NFIX: variants seen among roughly 807,000 people sequenced by gnomAD.
NFIX encodes nuclear factor 1 X-type.
NFIX carries 2 observed loss-of-function variants against 53.3 expected under a neutral mutation model. The observed-to-expected ratio is 0.04, with a 90% CI of 0.02 to 0.12. The LOEUF (loss-of-function observed/expected upper bound fraction) is 0.12, where lower values mean the gene tolerates loss of function less well. NFIX is among the 10% of genes least tolerant of loss of function. The pLI, the probability that NFIX is intolerant of heterozygous loss-of-function variation, is 1.00. For missense variants in NFIX, 310 were observed against 674.5 expected (o/e 0.46, Z 5.99); for synonymous variants, 244 against 289.0 (o/e 0.84, Z 1.58).
chr19:13,058,044 C>T (rs756008910), intron 2 of NFIX, among the ~76,000 whole-genome samples: 43 of 152,164 alleles, frequency 2.8e-4, no homozygotes, highest in Non-Finnish European at 5.0e-4. Flanking sequence ...TGGAACTGGC[C>T]CCACCCCCAG....
intron 5 of NFIX, among the ~76,000 whole-genome samples, chr19:13,074,401 A>G (rs1028482640): frequency 1.3e-5 from 2 of 152,188 alleles, no homozygotes; most frequent in Non-Finnish European, 2.9e-5. Context: ...TTCAGCCTGC[A>G]CAGGCTGGCG....
chr19:13,065,365 G>A (rs16978871), intron 2 of NFIX, among the ~76,000 whole-genome samples: 4,294 of 152,272 alleles, frequency 0.028, 72 homozygotes, highest in Middle Eastern at 0.082. Flanking sequence ...CTTCTGCTCT[G>A]ATGGGAATTC....
In NFIX at chr19:13,073,562, A is replaced by G; in HGVS notation, c.697+66A>G. 1 of 1,406,356 alleles carries G rather than the reference A, an allele frequency of 7.1e-7. No homozygotes were observed. Among genetic ancestry groups the G allele is most frequent in the African/African-American group, 1.4e-5 (1 of 70,738 alleles). The allele number at this position is 1,406,356 out of a possible 1,614,324, so 87.1% of individuals were successfully genotyped here. On this transcript the variant is annotated intron_variant, in intron 4 of 10. Transcript: ENST00000592199. This position sits in a 1 kb window ranked among gnomAD's most constrained non-coding sequence, Gnocchi z 4.5. Reference sequence around the variant, plus strand: ...AAGTGAGGAGGTGGGACCTCATGGGATGTCCTCCTAATGGGGTCTTAGGGC... The same window carrying G: ...AAGTGAGGAGGTGGGACCTCATGGGGTGTCCTCCTAATGGGGTCTTAGGGC...
chr19:13,097,061 A>C lies in NFIX; in HGVS notation c.*2412A>C, dbSNP rs1054609465. On this transcript the variant is annotated 3_prime_UTR_variant, in exon 11 of 11. Coordinates refer to ENST00000592199, the MANE Select transcript of NFIX (RefSeq NM_001365902.3). The stretch of plus-strand genomic sequence containing the variant: ...ATCTTTGTATGTTAAGAGATTAAGA[A>C]AAAAAAATTCTATTTTTGTTGTAAT... 3 of 151,738 alleles carry C rather than the reference A, an allele frequency of 2.0e-5. No homozygotes were observed. Among genetic ancestry groups the C allele is most frequent in the African/African-American group, 7.3e-5 (3 of 41,374 alleles). The allele number at this position is 151,738 out of a possible 1,614,324, so 9.4% of individuals were successfully genotyped here.
intron 2 of NFIX, among the ~76,000 whole-genome samples, chr19:13,038,122 G>T (rs965275077): frequency 2.6e-5 from 4 of 152,116 alleles, no homozygotes; most frequent in Non-Finnish European, 5.9e-5. Flanking sequence ...TTCTGAGAGG[G>T]TCTTTCCCAT....
At chr19:13,042,547 G>C (rs535459216) in intron 2 of NFIX, among the ~76,000 whole-genome samples, 1 of 151,666 alleles carries the variant, frequency 6.6e-6, no homozygotes, top group African/African-American at 2.4e-5. Flanking sequence ...TAGTAGAGAC[G>C]GGATTTCGCC....
rs1388199807 is a variant in NFIX at position 13,085,175 on chromosome 19, G to A, written c.1255-2814G>A. ...GCACTGCACAGTCACAAGACCTTGAGGTTTTTAAAACCTCAACTGTACCCC... is the reference window on the plus strand; with the variant it reads ...GCACTGCACAGTCACAAGACCTTGAAGTTTTTAAAACCTCAACTGTACCCC... On this transcript the variant is annotated intron_variant, in intron 8 of 10. Coordinates refer to ENST00000592199, the MANE Select transcript of NFIX (RefSeq NM_001365902.3). 2.6e-5 allele frequency among the ~76,000 whole-genome samples: 4 copies of A among 152,154 alleles called. No homozygotes were observed. In the East Asian group the frequency reaches 7.7e-4, roughly 29 times the overall value.
chr19:13,072,227 C>A lies in NFIX; in HGVS notation c.560-820C>A, dbSNP rs1023860596. 1.5e-4 allele frequency among the ~76,000 whole-genome samples: 23 copies of A among 152,190 alleles called. No individual in the cohort carries two copies. Among genetic ancestry groups the A allele is most frequent in the African/African-American group, 5.5e-4 (23 of 41,444 alleles). On this transcript the variant is annotated intron_variant, in intron 2 of 10. Coordinates refer to ENST00000592199, the MANE Select transcript of NFIX (RefSeq NM_001365902.3). This position sits in a 1 kb window ranked among gnomAD's most constrained non-coding sequence, Gnocchi z 4.0. ...CACAAAGCTTTGAGGACCAGGGGGA[C>A]CAGGGTGGGGGGCTTTCCCAAGCTC... is the stretch of plus-strand genomic sequence containing the variant.
At chr19:13,092,458 C>T (rs1415084766) in intron 10 of NFIX, among the ~76,000 whole-genome samples, 5 of 152,206 alleles carry the variant, frequency 3.3e-5, no homozygotes, top group Admixed American at 3.3e-4. Flanking sequence ...GAGGACCCCC[C>T]AGTCTGAGCA....
chr19:13,007,887 C>T (rs1429007164), intron 1 of NFIX, among the ~76,000 whole-genome samples: 1 of 152,088 alleles, frequency 6.6e-6, no homozygotes, highest in Non-Finnish European at 1.5e-5. Flanking sequence ...TGCTCCAATA[C>T]CACTCCCCCC....
At chr19:13,018,611 C>G (rs1296782501) in intron 1 of NFIX, among the ~76,000 whole-genome samples, 1 of 152,156 alleles carries the variant, frequency 6.6e-6, no homozygotes, top group Non-Finnish European at 1.5e-5. Flanking sequence ...TGATTTTGTT[C>G]TGACTACAGA....
Position 12,998,270 on chromosome 19 carries a change from C to T in NFIX, c.27+2406C>T, listed in dbSNP as rs1470355491. ...GGCCCCATCTCTGCTCCCCCCTCCA[C>T]TGGCGTCTCGGACTCTCTCTCTCTC... On this transcript the variant is annotated intron_variant, in intron 1 of 10. Transcript: ENST00000592199. This position sits in a 1 kb window ranked among gnomAD's most constrained non-coding sequence, Gnocchi z 4.4. Among the ~76,000 whole-genome samples the T allele has an allele frequency of 6.6e-6, 1 of 152,022 alleles. No individual in the cohort carries two copies. The highest frequency in any genetic ancestry group is 2.4e-5 in the African/African-American group (1 of 41,372).
intron 1 of NFIX, among the ~76,000 whole-genome samples, chr19:13,023,092 C>CTG (rs1555696119): frequency 6.6e-6 from 1 of 150,776 alleles, no homozygotes; most frequent in Non-Finnish European, 1.5e-5. Context: ...CTCTCTCTCT[C>CTG]TCTCTGTCTC....
Position 13,002,174 on chromosome 19 carries a change from G to A in NFIX, c.27+6310G>A, listed in dbSNP as rs2145133142. Among the ~76,000 whole-genome samples, 1 of 151,790 alleles carries A rather than the reference G, an allele frequency of 6.6e-6. No individual in the cohort carries two copies. The highest frequency in any genetic ancestry group is 1.9e-4 in the East Asian group (1 of 5,136). On this transcript the variant is annotated intron_variant, in intron 1 of 10. Transcript: ENST00000592199. The surrounding 1 kb of genome is among the most constrained non-coding windows in gnomAD (Gnocchi z 6.1). ...CTCTGAGGGCGCGGATTTGGAAACTGAGGTCCCCCCTTCTTTCCCCCTTTC... is the reference window on the plus strand; with the variant it reads ...CTCTGAGGGCGCGGATTTGGAAACTAAGGTCCCCCCTTCTTTCCCCCTTTC...
At position 13,067,906 on chromosome 19, in the gene NFIX, C is replaced by G. The variant is rs1443393358; in HGVS notation, c.560-5141C>G. On this transcript the variant is annotated intron_variant, in intron 2 of 10. Transcript: ENST00000592199. The surrounding 1 kb of genome is among the most constrained non-coding windows in gnomAD (Gnocchi z 4.2). ...GGATCACCAGGTCAGGAGATCGAGACCATCCTGGCTAACACTGTGAAACCC... is the reference window on the plus strand; with the variant it reads ...GGATCACCAGGTCAGGAGATCGAGAGCATCCTGGCTAACACTGTGAAACCC... Among the ~76,000 whole-genome samples, 3 of 152,014 alleles carry G rather than the reference C, an allele frequency of 2.0e-5. No homozygotes were observed. The highest frequency in any genetic ancestry group is 2.9e-5 in the Non-Finnish European group (2 of 68,020).
Position 13,024,505 on chromosome 19 carries a change from G to A in NFIX, c.28-516G>A, listed in dbSNP as rs2013157271. 5 of 1,506,750 alleles carry A rather than the reference G, an allele frequency of 3.3e-6. No homozygotes were observed. In the Admixed American group the frequency reaches 1.0e-4, roughly 31 times the overall value. 93.3% of individuals were successfully genotyped at this position (1,506,750 alleles called of 1,614,324 possible). ...TGTCATTTTCTGTCTTCTTGGGGGCGGCCAAAAATCGACCGGTGTCGGGGA... is the reference window on the plus strand; with the variant it reads ...TGTCATTTTCTGTCTTCTTGGGGGCAGCCAAAAATCGACCGGTGTCGGGGA... On this transcript the variant is annotated intron_variant, in intron 1 of 10. Transcript: ENST00000592199.
Position 13,012,177 on chromosome 19 carries a change from C to CAT in NFIX, c.28-12844_28-12843insAT, listed in dbSNP as rs2012389699. On this transcript the variant is annotated intron_variant, in intron 1 of 10. Coordinates refer to ENST00000592199, the MANE Select transcript of NFIX (RefSeq NM_001365902.3). This position sits in a 1 kb window ranked among gnomAD's most constrained non-coding sequence, Gnocchi z 5.0. ...GCTTCGAGGCCCCGGATGTCAGACGCGACCTGTGTGGCATGTACCAGGCTG... is the reference window on the plus strand; with the variant it reads ...GCTTCGAGGCCCCGGATGTCAGACGCATGACCTGTGTGGCATGTACCAGGCTG... The CAT allele has an allele frequency of 1.3e-5, 2 of 152,256 alleles. No homozygotes were observed. Among genetic ancestry groups the CAT allele is most frequent in the Non-Finnish European group, 2.9e-5 (2 of 68,084 alleles). 9.4% of individuals were successfully genotyped at this position (152,256 alleles called of 1,614,324 possible). A position where few individuals can be genotyped will look rare whatever the true frequency, so the allele number is the denominator to read the frequency against.
chr19:13,055,791 C>G (rs1474371874), intron 2 of NFIX, among the ~76,000 whole-genome samples: 1 of 152,142 alleles, frequency 6.6e-6, no homozygotes, highest in Non-Finnish European at 1.5e-5. Flanking sequence ...AGTCTAGGAT[C>G]CTCTCTCTCT....
At position 13,051,824 on chromosome 19, in the gene NFIX, G is replaced by GC. The variant is rs2015343348; in HGVS notation, c.560-21221dup. Reference sequence around the variant, plus strand: ...CCCAGGGGTTAAAGAAACACAACCCGCCGCTGCCGCCTTAGCAGGTGCCTG... The same window carrying GC: ...CCCAGGGGTTAAAGAAACACAACCCGCCCGCTGCCGCCTTAGCAGGTGCCTG... On this transcript the variant is annotated intron_variant, in intron 2 of 10. Transcript: ENST00000592199. The surrounding 1 kb of genome is among the most constrained non-coding windows in gnomAD (Gnocchi z 5.1). Among the ~76,000 whole-genome samples, 1 of 152,184 alleles carries GC rather than the reference G, an allele frequency of 6.6e-6. No individual in the cohort carries two copies. The highest frequency in any genetic ancestry group is 1.5e-5 in the Non-Finnish European group (1 of 68,030).
Sources: gnomAD v4.1 joint callset for allele counts (sites outside exome capture counted in the v4.1 genomes callset) on GRCh38, gnomAD v4.1.1 for gene constraint, Gnocchi (gnomAD v3.1) non-coding constraint, MANE v1.5 for transcripts, NCBI Gene and HGNC (gene_info 2026-07-23, HGNC 2026-07-21) for gene names.